Variants in TENM4 observed in about 807,000 individuals in gnomAD.
The protein encoded by TENM4 is teneurin-4.
Under a neutral mutation model 243.3 loss-of-function variants are expected in TENM4, and 82 were observed. That is an observed-to-expected ratio of 0.34 (90% CI 0.28 to 0.40). The LOEUF (loss-of-function observed/expected upper bound fraction) is 0.40. Ranked by LOEUF, TENM4 falls within the 10% of genes least tolerant of loss-of-function variation. TENM4 has a pLI of 1.00. For missense variants in TENM4, 3,138 were observed against 3,673.3 expected, an observed-to-expected ratio of 0.85 and a Z score of 3.77; for synonymous variants, 1,412 against 1,456.3, an observed-to-expected ratio of 0.97 and a Z score of 0.69.
chr11:79,048,384 T>C (rs1859710095), intron 6 of TENM4, among the ~76,000 whole-genome samples: 1 of 152,228 alleles, frequency 6.6e-6, no homozygotes, highest in Non-Finnish European at 1.5e-5. Flanking sequence ...TCTTCCTGCC[T>C]TCTACATAAG....
chr11:79,310,038 A>C lies in TENM4; in HGVS notation c.-320-12495T>G, dbSNP rs377685069. On this transcript the variant is annotated intron_variant, in intron 1 of 33. Coordinates refer to ENST00000278550, the MANE Select transcript of TENM4 (RefSeq NM_001098816.3). Reference sequence around the variant, plus strand: ...CCTGTGTCTCTGGCTCCAGCAACACATGCCACATGGAATTACCACTGTCGG... The same window carrying C: ...CCTGTGTCTCTGGCTCCAGCAACACCTGCCACATGGAATTACCACTGTCGG... 2.6e-5 allele frequency among the ~76,000 whole-genome samples: 4 copies of C among 152,262 alleles called. No individual in the cohort carries two copies. The East Asian group carries it at 7.7e-4, about 29-fold the overall frequency.
At chr11:79,149,912 C>T (rs1862470295) in intron 3 of TENM4, among the ~76,000 whole-genome samples, 1 of 152,120 alleles carries the variant, frequency 6.6e-6, no homozygotes, top group African/African-American at 2.4e-5. Flanking sequence ...AACAGTATCA[C>T]TAACAATGCC....
At chr11:78,917,474 C>A (rs1302453429) in intron 6 of TENM4, among the ~76,000 whole-genome samples, 1 of 152,144 alleles carries the variant, frequency 6.6e-6, no homozygotes, top group Non-Finnish European at 1.5e-5. Flanking sequence ...TTACGACTGA[C>A]CACATGTGGG....
intron 4 of TENM4, among the ~76,000 whole-genome samples, chr11:79,099,797 C>G (rs1017377980): frequency 6.6e-6 from 1 of 152,248 alleles, no homozygotes; most frequent in African/African-American, 2.4e-5. Flanking sequence ...ACAGCAAGCT[C>G]TGCTGTCACC....
chr11:79,007,703 T>A (rs538966437), intron 6 of TENM4, among the ~76,000 whole-genome samples: 37 of 152,242 alleles, frequency 2.4e-4, no homozygotes, highest in African/African-American at 8.4e-4. Flanking sequence ...AAGTAGCTCC[T>A]CCTCCAACAC....
intron 4 of TENM4, among the ~76,000 whole-genome samples, chr11:79,086,641 C>T (rs1260896639): frequency 8.5e-5 from 13 of 152,112 alleles, no homozygotes; most frequent in African/African-American, 3.1e-4. Flanking sequence ...TAAGACCAGC[C>T]TGGCCAACAT....
intron 15 of TENM4, among the ~76,000 whole-genome samples, chr11:78,795,206 C>T (rs114831442): frequency 0.01 from 1,540 of 152,270 alleles, 26 homozygotes; most frequent in African/African-American, 0.035. Context: ...AGCACTTTTA[C>T]GTGGATCTCC....
At chr11:79,278,052 CT>C (rs1246019214) in intron 2 of TENM4, among the ~76,000 whole-genome samples, 1 of 152,200 alleles carries the variant, frequency 6.6e-6, no homozygotes, top group Non-Finnish European at 1.5e-5. Context: ...CAAGGTCCTC[CT>C]GGTTTCTCAA....
At chr11:79,284,831 T>C (rs1856220643) in intron 2 of TENM4, among the ~76,000 whole-genome samples, 1 of 151,980 alleles carries the variant, frequency 6.6e-6, no homozygotes, top group Admixed American at 6.6e-5. Context: ...TATAAAGAAC[T>C]CTTATAACTC....
At chr11:79,034,530 G>A (rs369013663) in intron 6 of TENM4, among the ~76,000 whole-genome samples, 3 of 152,144 alleles carry the variant, frequency 2.0e-5, no homozygotes, top group African/African-American at 7.2e-5. Flanking sequence ...AGAACAAAAT[G>A]TTCTGAAGAA....
At chr11:78,672,364 T>C in intron 30 of TENM4, 35 bp from the exon 31 acceptor site, 1 of 1,586,788 alleles carries the variant, frequency 6.3e-7, no homozygotes, top group Non-Finnish European at 8.6e-7. Context: ...AGAAAATTAA[T>C]CTGGACCATG....
At chr11:78,950,881 T>C (rs538455103) in intron 6 of TENM4, among the ~76,000 whole-genome samples, 2 of 152,326 alleles carry the variant, frequency 1.3e-5, no homozygotes, top group East Asian at 3.9e-4. Context: ...CTCTAGAGCC[T>C]CCCAGCTGAG....
intron 1 of TENM4, among the ~76,000 whole-genome samples, chr11:79,338,206 G>A (rs1047537368): frequency 1.3e-5 from 2 of 152,196 alleles, no homozygotes; most frequent in Admixed American, 1.3e-4. Context: ...AGCAGTCCCA[G>A]CATGTTCCAA....
intron 3 of TENM4, among the ~76,000 whole-genome samples, chr11:79,156,114 G>GT (rs1201940245): frequency 6.6e-6 from 1 of 152,186 alleles, no homozygotes; most frequent in African/African-American, 2.4e-5. Context: ...GGCACACTGT[G>GT]TTCTCCTGCC....
At chr11:78,934,392 A>T (rs1856738895) in intron 6 of TENM4, among the ~76,000 whole-genome samples, 3 of 112,434 alleles carry the variant, frequency 2.7e-5, no homozygotes, top group Non-Finnish European at 4.4e-5. Flanking sequence ...TGAGCGAAGG[A>T]TTCTCAGGGA....
intron 12 of TENM4, among the ~76,000 whole-genome samples, chr11:78,826,696 A>C (rs1323147700): frequency 6.6e-6 from 1 of 152,166 alleles, no homozygotes; most frequent in Non-Finnish European, 1.5e-5. Context: ...ACTTCTGTTT[A>C]TGTAGTGTTT....
At chr11:79,334,558 G>C (rs923908196) in intron 1 of TENM4, among the ~76,000 whole-genome samples, 1 of 152,164 alleles carries the variant, frequency 6.6e-6, no homozygotes, top group Non-Finnish European at 1.5e-5. Context: ...CATGCTGCTA[G>C]AGGCTCCTCA....
At chr11:79,361,348 T>A (rs867222528) in intron 1 of TENM4, among the ~76,000 whole-genome samples, 1 of 152,254 alleles carries the variant, frequency 6.6e-6, no homozygotes, top group Non-Finnish European at 1.5e-5. Context: ...TCTGCTGGAC[T>A]AGTTCATGTC....
intron 12 of TENM4, among the ~76,000 whole-genome samples, chr11:78,832,490 T>C (rs574015988): frequency 9.2e-5 from 14 of 152,384 alleles, no homozygotes; most frequent in South Asian, 4.1e-4. Context: ...GGATTTGCTT[T>C]TGCTTTTTAT....
Sources: allele counts gnomAD v4.1 joint callset (sites outside exome capture counted in the v4.1 genomes callset), GRCh38; gene constraint gnomAD v4.1.1; transcripts MANE v1.5; gene names NCBI Gene and HGNC (gene_info 2026-07-23, HGNC 2026-07-21).